The following CYLC2 variants were observed in gnomAD, a reference collection of about 807,000 sequenced individuals.
CYLC2 encodes the protein cylicin-2.
CYLC2 carries 30 observed loss-of-function variants against 26.1 expected under a neutral mutation model. The observed-to-expected ratio is 1.15, with a 90% CI of 0.86 to 1.56. The LOEUF is 1.56. Among genes scored for constraint, CYLC2 ranks in the 40% most tolerant of loss-of-function variants. The pLI, the probability that CYLC2 is intolerant of heterozygous loss-of-function variation, is 0.00. For synonymous variants in CYLC2, 158 were observed against 132.8 expected (o/e 1.19, Z -1.31); for missense variants, 498 against 394.4 (o/e 1.26, Z -2.23).
chr9:103,015,634 C>T (rs1227527034), intron 6 of CYLC2, among the ~76,000 whole-genome samples: 1 of 146,846 alleles, frequency 6.8e-6, no homozygotes, highest in Non-Finnish European at 1.5e-5. Context: ...CTTGAGTGTT[C>T]CTTGGACTCT....
chr9:103,004,664 G>C (rs1316162714), intron 3 of CYLC2, 31 bp from the exon 4 acceptor site: 12 of 1,503,348 alleles, frequency 8.0e-6, no homozygotes, highest in Non-Finnish European at 9.9e-6. Context: ...TCACTCACAA[G>C]TTGTTCATCA....
intron 1 of CYLC2, among the ~76,000 whole-genome samples, chr9:102,997,202 G>A (rs80042499): frequency 0.068 from 10,263 of 151,802 alleles, 386 homozygotes; most frequent in South Asian, 0.12. Flanking sequence ...GGATTAGTAG[G>A]TGCTGGGGGT....
intron 1 of CYLC2, among the ~76,000 whole-genome samples, chr9:102,999,360 G>T (rs2118224040): frequency 6.6e-6 from 1 of 151,628 alleles, no homozygotes; most frequent in Admixed American, 6.6e-5. Context: ...CATTTGATTG[G>T]CAGCTTTAAC....
intron 5 of CYLC2, among the ~76,000 whole-genome samples, chr9:103,009,821 A>G: frequency 6.6e-6 from 1 of 152,056 alleles, no homozygotes; most frequent in East Asian, 1.9e-4. Flanking sequence ...ATGTTTCTCC[A>G]CATCTTTGCC....
At chr9:103,008,273 C>A (rs879438103) in intron 5 of CYLC2, among the ~76,000 whole-genome samples, 4 of 151,966 alleles carry the variant, frequency 2.6e-5, no homozygotes, top group Non-Finnish European at 5.9e-5. Flanking sequence ...TACTGAGGTG[C>A]GCCATCACTA....
At position 103,000,725 on chromosome 9, in the gene CYLC2, T is replaced by A. The variant is rs73659654; in HGVS notation, c.18-853T>A. 8.9e-4 allele frequency among the ~76,000 whole-genome samples: 135 copies of A among 152,142 alleles called. 1 individual carries two copies. The highest frequency in any genetic ancestry group is 3.2e-3 in the African/African-American group (131 of 41,542). ...CTTAAACCTTAAGTTTTACACGCTG[T>A]CAAATAAACACCACGTGTGTGTTTG... On this transcript the variant is annotated intron_variant, in intron 1 of 7. Transcript: ENST00000374798.
rs574142477 is a variant in CYLC2 at position 102,998,685 on chromosome 9, T to TC, written c.18-2892dup. On this transcript the variant is annotated intron_variant, in intron 1 of 7. Coordinates refer to ENST00000374798, the MANE Select transcript of CYLC2 (RefSeq NM_001340.5). ...CAAGAGGTTAAAATGTATTGAACTG[T>TC]CACTAACTCTAATCTCATAAACACT... is the stretch of plus-strand genomic sequence containing the variant. Among the ~76,000 whole-genome samples, 4 of 152,070 alleles carry TC rather than the reference T, an allele frequency of 2.6e-5. No individual in the cohort carries two copies. In the South Asian group the frequency reaches 8.3e-4, roughly 32 times the overall value.
intron 5 of CYLC2, among the ~76,000 whole-genome samples, chr9:103,009,895 G>A (rs1191598872): frequency 1.3e-5 from 2 of 150,554 alleles, no homozygotes; most frequent in African/African-American, 2.5e-5. Context: ...ACATACATAT[G>A]TGTACACACA....
chr9:103,008,845 C>T (rs1382234987), intron 5 of CYLC2, among the ~76,000 whole-genome samples: 1 of 152,128 alleles, frequency 6.6e-6, no homozygotes, highest in Non-Finnish European at 1.5e-5. Context: ...CTTCATGTCT[C>T]TCCACAACGC....
chr9:103,012,763 T>C (rs1564100121), intron 6 of CYLC2, among the ~76,000 whole-genome samples: 1 of 151,806 alleles, frequency 6.6e-6, no homozygotes, highest in Non-Finnish European at 1.5e-5. Flanking sequence ...TAGTTATTAA[T>C]AAGTTATTAT....
intron 6 of CYLC2, among the ~76,000 whole-genome samples, chr9:103,014,550 G>T (rs1219165302): frequency 2.2e-5 from 3 of 137,638 alleles, no homozygotes; most frequent in African/African-American, 8.1e-5. Context: ...TGTATATTAT[G>T]CAGTATACAT....
At chr9:103,002,361 T>G (rs1429263808) in intron 2 of CYLC2, among the ~76,000 whole-genome samples, 10 of 18,846 alleles carry the variant, frequency 5.3e-4, no homozygotes, top group African/African-American at 1.6e-3. Context: ...TGCCCCCTTT[T>G]TTTTTTTTTT....
intron 6 of CYLC2, among the ~76,000 whole-genome samples, chr9:103,014,357 AT>A (rs1260527464): frequency 2.2e-5 from 3 of 137,128 alleles, no homozygotes; most frequent in Non-Finnish European, 3.1e-5. Context: ...ATTACCTAAT[AT>A]TACATAATAT....
At chr9:103,008,724 G>C (rs920211602) in intron 5 of CYLC2, among the ~76,000 whole-genome samples, 1 of 151,936 alleles carries the variant, frequency 6.6e-6, no homozygotes, top group African/African-American at 2.4e-5. Context: ...CAAAATACTC[G>C]AGTTGGTATA....
chr9:103,012,738 C>A (rs1449148083), intron 6 of CYLC2, among the ~76,000 whole-genome samples: 1 of 151,622 alleles, frequency 6.6e-6, no homozygotes, highest in African/African-American at 2.4e-5. Flanking sequence ...TAAATATGTT[C>A]AATAATCAAT....
In CYLC2 at chr9:103,005,437, A is replaced by G; in HGVS notation, c.806A>G (p.Lys269Arg). ...DAKKDAKEIK[K>R]GKKDKKKPSS... ...AAGAAAGATGCAAAGGAGATTAAAA[A>G]AGGTAAGAAAGATAAGAAGAAGCCC... The change falls in exon 5 of 8, where the codon AAA becomes AGA. Residue 269 changes from lysine to arginine, a missense_variant. Coordinates refer to ENST00000374798, the MANE Select transcript of CYLC2 (RefSeq NM_001340.5). 1 of 1,613,502 alleles carries G rather than the reference A, an allele frequency of 6.2e-7. No homozygotes were observed. Among genetic ancestry groups the G allele is most frequent in the African/African-American group, 1.3e-5 (1 of 74,894 alleles).
In CYLC2 at chr9:103,014,254, CATAAT is replaced by C. The variant is rs1257630884; in HGVS notation, c.*816+2161_*816+2165del. On this transcript the variant is annotated intron_variant, in intron 6 of 7. Coordinates refer to ENST00000374798, the MANE Select transcript of CYLC2 (RefSeq NM_001340.5). ...ATATATATGTATGTAATATATATCA[CATAAT>C]ATATTACATTAAATATATTACATAG... 8.1e-5 allele frequency among the ~76,000 whole-genome samples: 10 copies of C among 123,398 alleles called. No individual in the cohort carries two copies. In the East Asian group the frequency reaches 9.5e-4, roughly 12 times the overall value. The allele number at this position is 123,398 out of a possible 152,430, so 81.0% of individuals were successfully genotyped here.
At chr9:102,997,845 T>G (rs1201085031) in intron 1 of CYLC2, among the ~76,000 whole-genome samples, 3 of 151,830 alleles carry the variant, frequency 2.0e-5, no homozygotes, top group African/African-American at 7.2e-5. Context: ...GGAAAAATAA[T>G]CAGAAAAACA....
rs145244678 is a variant in CYLC2 at position 103,008,230 on chromosome 9, G to A, written c.*700+1852G>A. On this transcript the variant is annotated intron_variant, in intron 5 of 7. Coordinates refer to ENST00000374798, the MANE Select transcript of CYLC2 (RefSeq NM_001340.5). The stretch of plus-strand genomic sequence containing the variant: ...TTTAGATTGAAATGTAATGTAAAAT[G>A]ACAGAAAAATTGAGCTTCTACCTTT... Among the ~76,000 whole-genome samples the A allele has an allele frequency of 3.8e-3, 571 of 152,130 alleles. 11 individuals are homozygous for A. The highest frequency in any genetic ancestry group is 0.026 in the East Asian group (135 of 5,168).
Sources: allele counts gnomAD v4.1 joint callset (sites outside exome capture counted in the v4.1 genomes callset), GRCh38; gene constraint gnomAD v4.1.1; transcripts MANE v1.5; gene names NCBI Gene and HGNC (gene_info 2026-07-23, HGNC 2026-07-21).